Variants in NRXN1 observed in about 807,000 individuals in gnomAD.
The protein encoded by NRXN1 is neurexin 1, also known as neurexin-1.
NRXN1 carries 39 observed loss-of-function variants against 150.9 expected under a neutral mutation model. The ratio of observed to expected loss-of-function variants is 0.26; its 90% CI spans 0.20 to 0.34. The LOEUF (loss-of-function observed/expected upper bound fraction) is 0.34. NRXN1 is among the 10% of genes least tolerant of loss of function. The probability of loss-of-function intolerance (pLI) is 1.00; values close to 1 mark genes in which losing one functional copy is unlikely to be tolerated. For synonymous variants in NRXN1, 924 were observed against 757.0 expected (o/e 1.22, Z -3.62); for missense variants, 1,815 against 1,949.9 (o/e 0.93, Z 1.30).
intron 12 of NRXN1, among the ~76,000 whole-genome samples, chr2:50,507,283 C>T (rs911225090): frequency 5.9e-5 from 9 of 151,768 alleles, no homozygotes; most frequent in Admixed American, 2.0e-4. Context: ...TTGACCTGTA[C>T]GTCACAAATC....
At chr2:49,956,854 A>T (rs1436549487) in intron 21 of NRXN1, among the ~76,000 whole-genome samples, 1 of 152,128 alleles carries the variant, frequency 6.6e-6, no homozygotes, top group Non-Finnish European at 1.5e-5. Context: ...ATGAGCCCTG[A>T]CACTTGACTT....
chr2:50,665,576 T>C (rs1056579589), intron 5 of NRXN1, among the ~76,000 whole-genome samples: 2 of 151,952 alleles, frequency 1.3e-5, no homozygotes, highest in Non-Finnish European at 2.9e-5. Flanking sequence ...AAATCCAAAT[T>C]TTGTGCTCTC....
chr2:50,255,328 T>G (rs2152904184), intron 17 of NRXN1, among the ~76,000 whole-genome samples: 1 of 152,324 alleles, frequency 6.6e-6, no homozygotes, highest in Admixed American at 6.5e-5. Context: ...TATGGAGAAT[T>G]TTACATTTTA....
chr2:50,531,576 A>G (rs2093114117), intron 10 of NRXN1, 146 bp from the exon 11 acceptor site: 2 of 682,000 alleles, frequency 2.9e-6, no homozygotes, highest in South Asian at 2.0e-5. Flanking sequence ...AGAAATAAAC[A>G]AAACTGTGAG....
intron 18 of NRXN1, among the ~76,000 whole-genome samples, chr2:50,101,549 T>G (rs1461259691): frequency 6.6e-6 from 1 of 151,996 alleles, no homozygotes. Flanking sequence ...AGAACATCCT[T>G]GGATTGTAAT....
intron 5 of NRXN1, among the ~76,000 whole-genome samples, chr2:50,708,357 C>T (rs78957928): frequency 0.038 from 5,740 of 152,226 alleles, 170 homozygotes; most frequent in Non-Finnish European, 0.058. Flanking sequence ...TCAATTTTAG[C>T]AGCATTTGAT....
intron 17 of NRXN1, among the ~76,000 whole-genome samples, chr2:50,272,352 T>C (rs974927073): frequency 1.3e-5 from 2 of 152,114 alleles, no homozygotes; most frequent in Non-Finnish European, 2.9e-5. Flanking sequence ...AAAGAGACAG[T>C]AGGAGAAACG....
At chr2:50,363,114 G>A (rs981675011) in intron 17 of NRXN1, among the ~76,000 whole-genome samples, 10 of 152,046 alleles carry the variant, frequency 6.6e-5, no homozygotes, top group Admixed American at 1.3e-4. Context: ...AGATTTAAAC[G>A]TAAGACCTAA....
chr2:49,942,057 T>A (rs1489417771), intron 22 of NRXN1, among the ~76,000 whole-genome samples: 3 of 152,086 alleles, frequency 2.0e-5, no homozygotes, highest in East Asian at 1.9e-4. Flanking sequence ...AAGATCTTAG[T>A]AAAGGGGCCT....
At chr2:50,367,107 A>T (rs1467545278) in intron 17 of NRXN1, among the ~76,000 whole-genome samples, 2 of 151,968 alleles carry the variant, frequency 1.3e-5, no homozygotes, top group Non-Finnish European at 2.9e-5. Context: ...CTCCAGATGC[A>T]TTTTAGGAAA....
At chr2:50,580,388 T>C (rs1394018656) in intron 8 of NRXN1, among the ~76,000 whole-genome samples, 1 of 152,196 alleles carries the variant, frequency 6.6e-6, no homozygotes, top group African/African-American at 2.4e-5. Flanking sequence ...AATAAAATCA[T>C]TTAAAAATGA....
intron 5 of NRXN1, among the ~76,000 whole-genome samples, chr2:50,856,200 G>A (rs1302962393): frequency 6.6e-6 from 1 of 151,944 alleles, no homozygotes; most frequent in Admixed American, 6.6e-5. Flanking sequence ...ATAATCTTTA[G>A]AAGTATTGGG....
intron 17 of NRXN1, among the ~76,000 whole-genome samples, chr2:50,434,026 C>T (rs948379181): frequency 7.1e-6 from 1 of 140,746 alleles, no homozygotes; most frequent in Non-Finnish European, 1.5e-5. Context: ...TTACTCCTTG[C>T]TTCCGGTATC....
At position 50,865,658 on chromosome 2, in the gene NRXN1, G is replaced by GTTTTTTTTTTTTTTTTTTTTTT. The variant is rs71404978; in HGVS notation, c.832+56189_832+56210dup. On this transcript the variant is annotated intron_variant, in intron 5 of 22. Transcript: ENST00000401669. ...AGTAATTCCCAGTAAGCATTTGAAAGTTTTTTTTTTTTTTTTTTTTTTTTT... is the reference window on the plus strand; with the variant it reads ...AGTAATTCCCAGTAAGCATTTGAAAGTTTTTTTTTTTTTTTTTTTTTTTTTTTTTTTTTTTTTTTTTTTTTTT... 1.9e-4 allele frequency among the ~76,000 whole-genome samples: 8 copies of GTTTTTTTTTTTTTTTTTTTTTT among 41,860 alleles called. 2 individuals are homozygous for GTTTTTTTTTTTTTTTTTTTTTT. The highest frequency in any genetic ancestry group is 2.3e-4 in the Non-Finnish European group (6 of 25,612). The allele number at this position is 41,860 out of a possible 152,430, so 27.5% of individuals were successfully genotyped here.
intron 17 of NRXN1, among the ~76,000 whole-genome samples, chr2:50,272,678 C>A (rs2069856809): frequency 6.6e-6 from 1 of 152,030 alleles, no homozygotes; most frequent in African/African-American, 2.4e-5. Context: ...GTTAATTCTT[C>A]CTCTTTCAAT....
intron 14 of NRXN1, 61 bp downstream of exon 14, chr2:50,497,272 G>C: frequency 1.5e-6 from 2 of 1,351,326 alleles, no homozygotes; most frequent in Non-Finnish European, 2.0e-6. Flanking sequence ...TATATTTTTG[G>C]AAATTGACGT....
At chr2:50,163,164 GTATATA>G (rs59163565) in intron 18 of NRXN1, among the ~76,000 whole-genome samples, 5 of 141,754 alleles carry the variant, frequency 3.5e-5, no homozygotes, top group African/African-American at 7.7e-5. Flanking sequence ...AATCCAAAAT[GTATATA>G]TATATATATA....
intron 15 of NRXN1, among the ~76,000 whole-genome samples, chr2:50,484,782 T>G (rs962826635): frequency 5.3e-5 from 8 of 152,216 alleles, no homozygotes. Flanking sequence ...GAAAGTAAAG[T>G]GGAAATATCC....
intron 5 of NRXN1, among the ~76,000 whole-genome samples, chr2:50,872,535 G>C (rs1473659613): frequency 6.6e-6 from 1 of 151,718 alleles, no homozygotes; most frequent in East Asian, 2.0e-4. Flanking sequence ...ACAAAGTAGA[G>C]GTTGACGGGG....
Sources: allele counts gnomAD v4.1 joint callset (sites outside exome capture counted in the v4.1 genomes callset), GRCh38; gene constraint gnomAD v4.1.1; transcripts MANE v1.5; gene names NCBI Gene and HGNC (gene_info 2026-07-23, HGNC 2026-07-21).